The following DLC1 variants were observed in gnomAD, a reference collection of about 807,000 sequenced individuals.
The protein encoded by DLC1 is rho GTPase-activating protein 7.
DLC1 carries 54 observed loss-of-function variants against 140.3 expected under a neutral mutation model. That is an observed-to-expected ratio of 0.38 (90% confidence interval 0.31 to 0.48). The LOEUF (loss-of-function observed/expected upper bound fraction) is 0.48. Ranked by LOEUF, DLC1 falls within the 20% of genes least tolerant of loss-of-function variation. The probability of loss-of-function intolerance (pLI) is 0.96; values close to 1 mark genes in which losing one functional copy is unlikely to be tolerated. For missense variants in DLC1, 2,536 were observed against 1,907.0 expected (o/e 1.33, Z -6.14); for synonymous variants, 986 against 728.1 (o/e 1.35, Z -5.70).
At position 13,110,782 on chromosome 8, in the gene DLC1, GCT is replaced by G. The variant is rs1360688685; in HGVS notation, c.1460_1461del (p.Glu487AlafsTer2). The G allele has an allele frequency of 6.2e-7, 1 of 1,613,912 alleles. No homozygotes were observed. The highest frequency in any genetic ancestry group is 8.5e-7 in the Non-Finnish European group (1 of 1,180,024). On this transcript the variant is annotated frameshift_variant, in exon 7 of 18. Transcript: ENST00000276297. LOFTEE classifies it high-confidence loss of function. ...ATGGCATCTCTGTCCAAAAAATCAT[GCT>G]CTCTCTTGACCAAGGAAATATCGAT... ...FPIDISLVKREHDFLDRDAIE... is the reference protein window; with the variant it reads ...FPIDISLVKRXHDFLDRDAIE...
At chr8:13,396,058 CTTTCT>C (rs1837027195) in intron 3 of DLC1, among the ~76,000 whole-genome samples, 1 of 133,362 alleles carries the variant, frequency 7.5e-6, no homozygotes, top group Admixed American at 7.5e-5. Context: ...AATTTCTTTT[CTTTCT>C]TTTTTTTTTT....
intron 2 of DLC1, among the ~76,000 whole-genome samples, chr8:13,405,319 C>G (rs1837477570): frequency 6.6e-6 from 1 of 151,638 alleles, no homozygotes; most frequent in African/African-American, 2.4e-5. Flanking sequence ...CTGTGGTCCT[C>G]AGTGACTATT....
intron 5 of DLC1, among the ~76,000 whole-genome samples, chr8:13,137,230 C>T (rs563643609): frequency 1.3e-5 from 2 of 152,278 alleles, no homozygotes; most frequent in South Asian, 4.1e-4. Flanking sequence ...TTCATTTAAC[C>T]TTCAACTCAT....
intron 1 of DLC1, among the ~76,000 whole-genome samples, chr8:13,542,622 A>G (rs186993545): frequency 1.3e-3 from 191 of 152,244 alleles, no homozygotes; most frequent in Non-Finnish European, 2.1e-3. Context: ...TCTGATCAAT[A>G]TACATGGGAG....
intron 1 of DLC1, among the ~76,000 whole-genome samples, chr8:13,583,034 G>T (rs2117449938): frequency 6.6e-6 from 1 of 151,646 alleles, no homozygotes; most frequent in East Asian, 1.9e-4. Context: ...TTTGCCGGTG[G>T]AGGGTCCTGC....
chr8:13,127,423 C>T (rs1585709338), intron 5 of DLC1, among the ~76,000 whole-genome samples: 1 of 152,192 alleles, frequency 6.6e-6, no homozygotes, highest in Non-Finnish European at 1.5e-5. Flanking sequence ...TCTGGAACTT[C>T]CCATGAAAAT....
At position 13,092,778 on chromosome 8, in the gene DLC1, G is replaced by A; in HGVS notation, c.3574C>T (p.Leu1192=). 1 of 1,614,116 alleles carries A rather than the reference G, an allele frequency of 6.2e-7. No homozygotes were observed. Among genetic ancestry groups the A allele is most frequent in the Non-Finnish European group, 8.5e-7 (1 of 1,180,008 alleles). The change falls in exon 13 of 18, where the codon CTG becomes TTG. Residue 1192 remains leucine (L), a synonymous_variant. Coordinates refer to ENST00000276297, the MANE Select transcript of DLC1 (RefSeq NM_182643.3). ...RLQAIKAAIM[L]LPDENREVLQ... ...ACCTCCCGGTTCTCGTCAGGCAGCA[G>A]CATGATGGCAGCCTTGATGGCCTGC...
intron 1 of DLC1, among the ~76,000 whole-genome samples, chr8:13,536,721 G>A (rs1585251885): frequency 6.6e-6 from 1 of 152,122 alleles, no homozygotes; most frequent in Non-Finnish European, 1.5e-5. Context: ...CTTGTACAGG[G>A]ATCTAGAACC....
At chr8:13,444,143 G>C (rs1434918083) in intron 2 of DLC1, among the ~76,000 whole-genome samples, 1 of 151,802 alleles carries the variant, frequency 6.6e-6, no homozygotes, top group Non-Finnish European at 1.5e-5. Context: ...GTTCTTTGTA[G>C]GTTCTGTATA....
At chr8:13,086,105 G>C in intron 17 of DLC1, 174 bp from the exon 18 acceptor site, 1 of 1,339,066 alleles carries the variant, frequency 7.5e-7, no homozygotes. Flanking sequence ...TTTTCTAAGG[G>C]AACCAAATTA....
rs1334922708 is a variant in DLC1, at chr8:13,088,516, A to T, written c.4263T>A (p.Pro1421=). ...IYQYVQNSMA[P]HPARDYVVLR... ...AAACAACGTAGTCTCGAGCAGGATG[A>T]GGTGCCATACTGTTTTGGACATACT... is the stretch of plus-strand genomic sequence containing the variant. The change falls in exon 16 of 18, where the codon CCT becomes CCA. Residue 1421 remains proline (P), a synonymous_variant. Transcript: ENST00000276297. 2 of 1,614,112 alleles carry T rather than the reference A, an allele frequency of 1.2e-6. No individual in the cohort carries two copies. Among genetic ancestry groups the T allele is most frequent in the Non-Finnish European group, 1.7e-6 (2 of 1,180,044 alleles).
chr8:13,349,437 C>T (rs1434302170), intron 4 of DLC1, among the ~76,000 whole-genome samples: 1 of 152,032 alleles, frequency 6.6e-6, no homozygotes, highest in Non-Finnish European at 1.5e-5. Flanking sequence ...AAAATGGAAG[C>T]AAAGGTAACA....
intron 1 of DLC1, among the ~76,000 whole-genome samples, chr8:13,561,845 G>T (rs549276389): frequency 4.3e-4 from 66 of 152,266 alleles, no homozygotes; most frequent in African/African-American, 1.5e-3. Flanking sequence ...TCTACTACTA[G>T]TTCAAAATGT....
intron 4 of DLC1, among the ~76,000 whole-genome samples, chr8:13,391,700 A>G (rs776268508): frequency 3.3e-5 from 5 of 152,216 alleles, no homozygotes; most frequent in Non-Finnish European, 5.9e-5. Flanking sequence ...AAGCAACTGC[A>G]CACATTCTTC....
intron 4 of DLC1, among the ~76,000 whole-genome samples, chr8:13,327,118 CTATTTTTTTTTTTTTTTT>C (rs1833387653): frequency 5.5e-5 from 4 of 72,208 alleles, no homozygotes; most frequent in Non-Finnish European, 8.2e-5. Context: ...CCACACCCGG[CTATTTTTTTTTTTTTTTT>C]TTTTTTTTTT....
chr8:13,467,936 T>G (rs1421329961), intron 2 of DLC1, among the ~76,000 whole-genome samples: 1 of 152,202 alleles, frequency 6.6e-6, no homozygotes, highest in Non-Finnish European at 1.5e-5. Flanking sequence ...GTTTAAGTGG[T>G]TTTATGCAGC....
intron 2 of DLC1, among the ~76,000 whole-genome samples, chr8:13,453,420 A>ATTTTTTTTTTTTTTTTTT (rs1218533007): frequency 4.4e-5 from 1 of 22,726 alleles, no homozygotes; most frequent in African/African-American, 2.0e-4. Flanking sequence ...ATATATATAT[A>ATTTTTTTTTTTTTTTTTT]TATGTGTATA....
At chr8:13,597,283 A>G (rs1043399089) in intron 1 of DLC1, among the ~76,000 whole-genome samples, 3 of 152,034 alleles carry the variant, frequency 2.0e-5, no homozygotes, top group Admixed American at 6.6e-5. Context: ...ACATTGGACA[A>G]TTTTGAAGCT....
intron 4 of DLC1, chr8:13,339,801 T>C (rs1044000969): frequency 6.6e-6 from 1 of 152,244 alleles, no homozygotes. Flanking sequence ...TTAGATAGTT[T>C]ACAAAGTTTT....
Sources: allele counts gnomAD v4.1 joint callset (sites outside exome capture counted in the v4.1 genomes callset), GRCh38; gene constraint gnomAD v4.1.1; transcripts MANE v1.5; gene names NCBI Gene and HGNC (gene_info 2026-07-23, HGNC 2026-07-21).